KCNIP1: variants seen among roughly 807,000 people sequenced by gnomAD.
KCNIP1 encodes the protein potassium voltage-gated channel interacting protein 1.
A neutral mutation model predicts 33.0 loss-of-function variants in KCNIP1; 18 were observed. The ratio of observed to expected loss-of-function variants is 0.55; its 90% confidence interval spans 0.38 to 0.81. KCNIP1 has a LOEUF of 0.81. KCNIP1 is among the 30% of genes least tolerant of loss of function. The probability of loss-of-function intolerance (pLI) is 0.00; values close to 1 mark genes in which losing one functional copy is unlikely to be tolerated. For synonymous variants in KCNIP1, 93 were observed against 98.3 expected (o/e 0.95, Z 0.32); for missense variants, 238 against 271.6 (o/e 0.88, Z 0.87).
intron 1 of KCNIP1, among the ~76,000 whole-genome samples, chr5:170,690,924 C>T (rs1210549556): frequency 1.3e-5 from 2 of 152,210 alleles, no homozygotes; most frequent in African/African-American, 4.8e-5. Context: ...TAAAGAGTTC[C>T]TTGCCTTTAT....
chr5:170,559,183 C>T (rs1307126295), intron 1 of KCNIP1, among the ~76,000 whole-genome samples: 2 of 152,182 alleles, frequency 1.3e-5, no homozygotes, highest in African/African-American at 4.8e-5. Context: ...GTCTTACCAC[C>T]TAAACTCCTC....
intron 1 of KCNIP1, among the ~76,000 whole-genome samples, chr5:170,537,331 A>T (rs1756028079): frequency 6.6e-6 from 1 of 152,228 alleles, no homozygotes; most frequent in Non-Finnish European, 1.5e-5. Flanking sequence ...AATAGCATTC[A>T]ACTCAGGGTA....
rs558043083 is a variant in KCNIP1 at position 170,555,254 on chromosome 5, C to T, written c.61+50621C>T. Among the ~76,000 whole-genome samples, 16 of 152,168 alleles carry T rather than the reference C, an allele frequency of 1.1e-4. No homozygotes were observed. In the South Asian group the frequency reaches 3.1e-3, roughly 30 times the overall value. On this transcript the variant is annotated intron_variant, in intron 1 of 7. Transcript: ENST00000328939. ...CAGCATCGTGGAGGTGATTTCAGAG[C>T]GCTTGCTGCATGCACATGGGAAATA...
At chr5:170,613,418 T>C (rs1383486639) in intron 1 of KCNIP1, among the ~76,000 whole-genome samples, 2 of 152,332 alleles carry the variant, frequency 1.3e-5, no homozygotes, top group East Asian at 3.9e-4. Context: ...CACTAATTTA[T>C]TTAGCTTCCC....
intron 1 of KCNIP1, chr5:170,383,606 A>G: frequency 6.5e-7 from 1 of 1,536,896 alleles, no homozygotes; most frequent in Non-Finnish European, 9.0e-7. Flanking sequence ...CCTCGGGGAC[A>G]GGGACAGTTA....
chr5:170,400,738 G>A (rs1754882497), intron 1 of KCNIP1, among the ~76,000 whole-genome samples: 1 of 152,194 alleles, frequency 6.6e-6, no homozygotes, highest in Non-Finnish European at 1.5e-5. Flanking sequence ...TCTTGTCCAA[G>A]GTCATGATGT....
intron 1 of KCNIP1, chr5:170,681,342 G>A (rs1762338091): frequency 7.8e-6 from 3 of 382,726 alleles, no homozygotes; most frequent in Admixed American, 4.5e-5. Context: ...CCCCAGTCGC[G>A]CCCCAGTGCT....
chr5:170,383,994 A>G, intron 1 of KCNIP1: 1 of 783,534 alleles, frequency 1.3e-6, no homozygotes, highest in Admixed American at 2.6e-5. Context: ...CCAGCAATAA[A>G]GGCACATGAC....
rs373308010 is a variant in KCNIP1, at chr5:170,555,580, C to T, written c.61+50947C>T. Among the ~76,000 whole-genome samples the T allele has an allele frequency of 1.3e-4, 20 of 152,280 alleles. No homozygotes were observed. In the East Asian group the frequency reaches 3.5e-3, roughly 27 times the overall value. On this transcript the variant is annotated intron_variant, in intron 1 of 7. Transcript: ENST00000328939. Reference sequence around the variant, plus strand: ...CTTCCTACTTTACAGCATTGTGGCTCAGGGAGAGCACACATGCCCTCATGC... The same window carrying T: ...CTTCCTACTTTACAGCATTGTGGCTTAGGGAGAGCACACATGCCCTCATGC...
intron 1 of KCNIP1, among the ~76,000 whole-genome samples, chr5:170,639,909 A>G (rs1282517893): frequency 6.6e-6 from 1 of 152,258 alleles, no homozygotes; most frequent in Non-Finnish European, 1.5e-5. Flanking sequence ...AAGAAGGCAA[A>G]AAGTGGTGCC....
rs928100201 is a variant in KCNIP1 at position 170,587,368 on chromosome 5, G to A, written c.61+82735G>A. Reference sequence around the variant, plus strand: ...AACCATGAGGTGGAGGTTGCAGTGAGCCGAGATTGTGCCATTGCACTCCAG... The same window carrying A: ...AACCATGAGGTGGAGGTTGCAGTGAACCGAGATTGTGCCATTGCACTCCAG... On this transcript the variant is annotated intron_variant, in intron 1 of 7. Coordinates refer to ENST00000328939, the MANE Select transcript of KCNIP1 (RefSeq NM_014592.4). Among the ~76,000 whole-genome samples the A allele has an allele frequency of 2.9e-4, 42 of 147,022 alleles. 1 individual carries two copies. The highest frequency in any genetic ancestry group is 1.0e-3 in the African/African-American group (40 of 39,098).
intron 1 of KCNIP1, among the ~76,000 whole-genome samples, chr5:170,631,638 C>A (rs564055326): frequency 6.6e-6 from 1 of 152,328 alleles, no homozygotes; most frequent in South Asian, 2.1e-4. Flanking sequence ...ATGTATTTGT[C>A]ATTGCTCATC....
chr5:170,560,184 A>G (rs1756986274), intron 1 of KCNIP1, among the ~76,000 whole-genome samples: 1 of 151,988 alleles, frequency 6.6e-6, no homozygotes, highest in South Asian at 2.1e-4. Flanking sequence ...CCAGCCTACC[A>G]CCTGTCTTCC....
intron 1 of KCNIP1, among the ~76,000 whole-genome samples, chr5:170,587,196 C>A (rs1024784212): frequency 2.0e-5 from 3 of 152,068 alleles, no homozygotes; most frequent in African/African-American, 7.2e-5. Flanking sequence ...CCAAGGTAGG[C>A]AGATCACCTG....
intron 1 of KCNIP1, among the ~76,000 whole-genome samples, chr5:170,694,291 C>T (rs2113821675): frequency 6.6e-6 from 1 of 152,222 alleles, no homozygotes. Context: ...TTTAATAAGC[C>T]TGAGACATGT....
intron 1 of KCNIP1, among the ~76,000 whole-genome samples, chr5:170,602,829 C>T (rs1371618353): frequency 6.6e-6 from 1 of 152,226 alleles, no homozygotes; most frequent in Non-Finnish European, 1.5e-5. Flanking sequence ...GCTTCCCCTT[C>T]CCAAGGGCGC....
At chr5:170,602,839 C>T (rs1758747526) in intron 1 of KCNIP1, among the ~76,000 whole-genome samples, 1 of 152,228 alleles carries the variant, frequency 6.6e-6, no homozygotes, top group Non-Finnish European at 1.5e-5. Flanking sequence ...CCCAAGGGCG[C>T]AAGGTGAGGT....
At chr5:170,645,869 A>G (rs1760763343) in intron 1 of KCNIP1, among the ~76,000 whole-genome samples, 1 of 151,958 alleles carries the variant, frequency 6.6e-6, no homozygotes, top group South Asian at 2.1e-4. Flanking sequence ...CCTAAATAAC[A>G]TAGGTCAAAA....
chr5:170,364,665 C>T (rs1198858954), intron 1 of KCNIP1, among the ~76,000 whole-genome samples: 1 of 152,206 alleles, frequency 6.6e-6, no homozygotes, highest in Non-Finnish European at 1.5e-5. Context: ...TGCCGTCCCT[C>T]CTCATCTCCC....
Sources: gnomAD v4.1 joint callset for allele counts (sites outside exome capture counted in the v4.1 genomes callset) on GRCh38, gnomAD v4.1.1 for gene constraint, MANE v1.5 for transcripts, NCBI Gene and HGNC (gene_info 2026-07-23, HGNC 2026-07-21) for gene names.